RALGPS1: variants seen among roughly 807,000 people sequenced by gnomAD.
RALGPS1 encodes ras-specific guanine nucleotide-releasing factor RalGPS1.
Under a neutral mutation model 78.8 loss-of-function variants are expected in RALGPS1, and 19 were observed. The observed-to-expected ratio is 0.24, with a 90% confidence interval of 0.17 to 0.35. RALGPS1 has a LOEUF of 0.35. Among genes scored for constraint, RALGPS1 ranks in the 10% least tolerant of loss-of-function variants. RALGPS1 has a pLI of 1.00. For synonymous variants in RALGPS1, 228 were observed against 256.3 expected, an observed-to-expected ratio of 0.89 and a Z score of 1.06; for missense variants, 454 against 688.3, an observed-to-expected ratio of 0.66 and a Z score of 3.81.
At chr9:127,009,256 A>T (rs1232548066) in intron 4 of RALGPS1, among the ~76,000 whole-genome samples, 1 of 152,182 alleles carries the variant, frequency 6.6e-6, no homozygotes, top group Non-Finnish European at 1.5e-5. Flanking sequence ...CCTTTAGCTC[A>T]TCCCAGCCTC....
intron 8 of RALGPS1, chr9:127,079,515 C>T (rs1049618795): frequency 6.6e-6 from 1 of 152,196 alleles, no homozygotes; most frequent in African/African-American, 2.4e-5. Context: ...AATGGGATGT[C>T]CCTTCCAAGA....
chr9:126,957,041 C>T (rs1355556255), intron 1 of RALGPS1, among the ~76,000 whole-genome samples: 1 of 152,232 alleles, frequency 6.6e-6, no homozygotes, highest in East Asian at 1.9e-4. Flanking sequence ...ACTGTGCTTC[C>T]ATTTCCCTGA....
At chr9:127,070,394 A>G (rs190164651) in intron 8 of RALGPS1, among the ~76,000 whole-genome samples, 79 of 152,260 alleles carry the variant, frequency 5.2e-4, no homozygotes, top group African/African-American at 1.8e-3. Context: ...AACTTTCTAC[A>G]TGTAGTTATG....
chr9:127,214,923 C>T (rs998355079), intron 18 of RALGPS1, 81 bp downstream of exon 18: 50 of 1,588,716 alleles, frequency 3.1e-5, no homozygotes, highest in Non-Finnish European at 8.5e-7. Context: ...AAACAGGGTT[C>T]CCTTCTTCTT....
chr9:127,107,460 G>A (rs539246976), intron 8 of RALGPS1, among the ~76,000 whole-genome samples: 1 of 152,212 alleles, frequency 6.6e-6, no homozygotes, highest in Non-Finnish European at 1.5e-5. Flanking sequence ...CCTACAATGT[G>A]TTTATCATAT....
At chr9:127,132,582 G>T (rs767099012) in intron 8 of RALGPS1, among the ~76,000 whole-genome samples, 18 of 152,218 alleles carry the variant, frequency 1.2e-4, no homozygotes, top group Non-Finnish European at 2.1e-4. Flanking sequence ...CACACCAGGG[G>T]GTGCTCAGTC....
intron 8 of RALGPS1, among the ~76,000 whole-genome samples, chr9:127,099,264 T>C (rs1180804051): frequency 6.6e-6 from 1 of 152,206 alleles, no homozygotes. Flanking sequence ...CTCCTGTGAA[T>C]ATTTTAGTCC....
At chr9:126,993,308 G>A (rs2042435525) in intron 4 of RALGPS1, among the ~76,000 whole-genome samples, 2 of 152,174 alleles carry the variant, frequency 1.3e-5, no homozygotes, top group South Asian at 2.1e-4. Context: ...TTCTGCATCT[G>A]TGTTTGTAAT....
intron 11 of RALGPS1, among the ~76,000 whole-genome samples, chr9:127,177,173 G>C (rs527301381): frequency 6.6e-6 from 1 of 152,248 alleles, no homozygotes; most frequent in South Asian, 2.1e-4. Flanking sequence ...TTGGAGGAGA[G>C]GGATGGATGG....
intron 11 of RALGPS1, chr9:127,178,346 A>G: frequency 1.6e-6 from 1 of 608,632 alleles, no homozygotes; most frequent in Non-Finnish European, 2.3e-6. Context: ...ATGCAGCTGA[A>G]TTGTGTGAAC....
chr9:127,178,404 G>T, intron 11 of RALGPS1: 1 of 939,026 alleles, frequency 1.1e-6, no homozygotes, highest in Non-Finnish European at 1.3e-6. Context: ...TCTGTAAAGT[G>T]GGCATAAAAT....
rs927406317 is a variant in RALGPS1, at chr9:127,091,310, G to A, written c.610+21954G>A. Among the ~76,000 whole-genome samples, 2 of 152,238 alleles carry A rather than the reference G, an allele frequency of 1.3e-5. No individual in the cohort carries two copies. The highest frequency in any genetic ancestry group is 2.9e-5 in the Non-Finnish European group (2 of 68,042). ...CCCAGGTGTGTGGCCCAGAGCCTACGCAGTTGGTTAGCTCTATACCAGGTG... is the reference window on the plus strand; with the variant it reads ...CCCAGGTGTGTGGCCCAGAGCCTACACAGTTGGTTAGCTCTATACCAGGTG... On this transcript the variant is annotated intron_variant, in intron 8 of 18. Coordinates refer to ENST00000259351, the MANE Select transcript of RALGPS1 (RefSeq NM_014636.3). This position sits in a 1 kb window ranked among gnomAD's most constrained non-coding sequence, Gnocchi z 4.3.
chr9:127,037,756 C>T (rs1467338612), intron 5 of RALGPS1, among the ~76,000 whole-genome samples: 1 of 152,254 alleles, frequency 6.6e-6, no homozygotes, highest in East Asian at 1.9e-4. Context: ...TTTTCAGTAG[C>T]TCTATCTGAT....
At chr9:127,108,375 C>T (rs763353527) in intron 8 of RALGPS1, 16 of 1,610,502 alleles carry the variant, frequency 9.9e-6, no homozygotes, top group Non-Finnish European at 1.4e-5. Flanking sequence ...GCAGCTTCAC[C>T]TCGCTCACAA....
chr9:127,189,471 G>A (rs761658756), intron 11 of RALGPS1, among the ~76,000 whole-genome samples: 12 of 152,118 alleles, frequency 7.9e-5, no homozygotes, highest in Admixed American at 6.5e-5. Context: ...ACCTAACCCC[G>A]TCGCCAGCCA....
chr9:127,061,413 A>G (rs2049202845), intron 7 of RALGPS1, among the ~76,000 whole-genome samples: 1 of 152,242 alleles, frequency 6.6e-6, no homozygotes, highest in Non-Finnish European at 1.5e-5. Context: ...GTTGAGCTGA[A>G]GTATCTGGAA....
chr9:127,144,052 A>G (rs1038667861), intron 8 of RALGPS1, among the ~76,000 whole-genome samples: 5 of 152,138 alleles, frequency 3.3e-5, no homozygotes, highest in African/African-American at 1.2e-4. Flanking sequence ...CTCTGAAGTC[A>G]TCTCCGTTGT....
At chr9:127,216,189 A>C (rs1192549085) in intron 18 of RALGPS1, 2 of 152,232 alleles carry the variant, frequency 1.3e-5, no homozygotes, top group Non-Finnish European at 2.9e-5. Flanking sequence ...TCTGTAACAC[A>C]GATGAGGACA....
At chr9:127,204,619 C>A (rs2061833254) in intron 14 of RALGPS1, among the ~76,000 whole-genome samples, 1 of 152,198 alleles carries the variant, frequency 6.6e-6, no homozygotes, top group South Asian at 2.1e-4. Context: ...TGTGGGAGGG[C>A]CCCTCTAAGA....
Sources: gnomAD v4.1 joint callset for allele counts (sites outside exome capture counted in the v4.1 genomes callset) on GRCh38, gnomAD v4.1.1 for gene constraint, Gnocchi (gnomAD v3.1) non-coding constraint, MANE v1.5 for transcripts, NCBI Gene and HGNC (gene_info 2026-07-23, HGNC 2026-07-21) for gene names.